MEIS3: variants seen among roughly 807,000 people sequenced by gnomAD.
MEIS3 encodes the protein homeobox protein Meis3.
MEIS3 carries 38 observed loss-of-function variants against 51.4 expected under a neutral mutation model. That is an observed-to-expected ratio of 0.74 (90% confidence interval 0.57 to 0.97). The LOEUF is 0.97. Ranked by LOEUF, MEIS3 falls within the 50% of genes least tolerant of loss-of-function variation. The pLI is 0.00. For missense variants in MEIS3, 456 were observed against 502.6 expected (o/e 0.91, Z 0.89); for synonymous variants, 198 against 201.8 (o/e 0.98, Z 0.16).
intron 2 of MEIS3, 105 bp downstream of exon 2, chr19:47,417,073 G>C (rs967220318): frequency 5.9e-6 from 9 of 1,533,754 alleles, no homozygotes; most frequent in Non-Finnish European, 7.9e-6. Flanking sequence ...GAGAGGGAAG[G>C]AGACAGAGAC....
rs537387673 is a variant in MEIS3 at position 47,409,961 on chromosome 19, G to T, written c.598-414C>A. On this transcript the variant is annotated intron_variant, in intron 6 of 12. Coordinates refer to ENST00000558555, the MANE Select transcript of MEIS3 (RefSeq NM_001301059.2). ...GTCCCTGCCTCCTTCCTAGCTGTGTGATCTTGGGCAGGTCACTTCCCCACT... is the reference window on the plus strand; with the variant it reads ...GTCCCTGCCTCCTTCCTAGCTGTGTTATCTTGGGCAGGTCACTTCCCCACT... 1.3e-4 allele frequency among the ~76,000 whole-genome samples: 20 copies of T among 152,056 alleles called. No homozygotes were observed. In the South Asian group the frequency reaches 3.9e-3, roughly 30 times the overall value.
chr19:47,413,801 G>A (rs1971255993), intron 6 of MEIS3, among the ~76,000 whole-genome samples: 1 of 150,530 alleles, frequency 6.6e-6, no homozygotes. Flanking sequence ...GATCCTGGCT[G>A]ACTGCAAGCT....
upstream of MEIS3, among the ~76,000 whole-genome samples, chr19:47,421,979 C>G (rs1160320525): frequency 2.0e-5 from 3 of 151,886 alleles, no homozygotes; most frequent in Non-Finnish European, 4.4e-5. Flanking sequence ...TTCATAAATA[C>G]ATCGCCCCCT....
chr19:47,414,999 G>C (rs1446510938), intron 5 of MEIS3, 52 bp downstream of exon 5: 2 of 1,405,834 alleles, frequency 1.4e-6, no homozygotes, highest in African/African-American at 1.4e-5. Context: ...GCGACGAGAG[G>C]GGGTGGGATG....
At chr19:47,408,145 T>A (rs547389772) in intron 8 of MEIS3, among the ~76,000 whole-genome samples, 105 of 151,998 alleles carry the variant, frequency 6.9e-4, no homozygotes, top group Non-Finnish European at 1.4e-3. Flanking sequence ...CTCTTTTTTT[T>A]AAACAGGGTC....
At chr19:47,407,493 G>T (rs777163686) in intron 8 of MEIS3, 65 bp from the exon 9 acceptor site, 1 of 1,611,924 alleles carries the variant, frequency 6.2e-7, no homozygotes, top group South Asian at 1.1e-5. Flanking sequence ...CCAAGGTCTG[G>T]CCCACCGGGG....
chr19:47,410,487 C>A (rs939694532), intron 6 of MEIS3, among the ~76,000 whole-genome samples: 1 of 150,316 alleles, frequency 6.7e-6, no homozygotes, highest in African/African-American at 2.5e-5. Context: ...AAAAGAAGGG[C>A]CGGGCGCGAT....
chr19:47,418,653 G>C (rs1295105763), intron 1 of MEIS3: 2 of 160,154 alleles, frequency 1.2e-5, no homozygotes, highest in East Asian at 3.4e-4. Flanking sequence ...GGTGAGGTGC[G>C]GGCGGCTGAG....
chr19:47,417,923 C>CCA (rs797021228), intron 1 of MEIS3: 18 of 553,322 alleles, frequency 3.3e-5, no homozygotes, highest in African/African-American at 2.9e-4. Context: ...ATCCCCCCCC[C>CCA]CACACACACA....
intron 9 of MEIS3, 102 bp from the exon 10 acceptor site, chr19:47,407,239 A>AGCGGGGCGAGCAGGGGCAGTGGCTCT: frequency 3.4e-6 from 5 of 1,485,158 alleles, no homozygotes; most frequent in Non-Finnish European, 4.5e-6. Context: ...GGGGAGGCAG[A>AGCGGGGCGAGCAGGGGCAGTGGCTCT]GCGGGGCGAG....
intron 6 of MEIS3, among the ~76,000 whole-genome samples, chr19:47,409,926 T>A (rs1207307154): frequency 6.6e-6 from 1 of 151,826 alleles, no homozygotes; most frequent in African/African-American, 2.4e-5. Context: ...GACTCCTGGA[T>A]GGGAAGCCAG....
Position 47,409,720 on chromosome 19 carries a change from G to A in MEIS3, c.598-173C>T, listed in dbSNP as rs563278213. Among the ~76,000 whole-genome samples the A allele has an allele frequency of 1.5e-4, 23 of 152,106 alleles. No homozygotes were observed. In the South Asian group the frequency reaches 4.2e-3, roughly 27 times the overall value. On this transcript the variant is annotated intron_variant, in intron 6 of 12. Coordinates refer to ENST00000558555, the MANE Select transcript of MEIS3 (RefSeq NM_001301059.2). ...CTACTAAAAATACAAAAAATTAGCC[G>A]GGTGTGGTGGCATGCACCTGTAGTC...
At chr19:47,421,370 T>C (rs1404385768), upstream of MEIS3, among the ~76,000 whole-genome samples, 1 of 152,092 alleles carries the variant, frequency 6.6e-6, no homozygotes, top group Non-Finnish European at 1.5e-5. Context: ...CACCGACCAC[T>C]GGGGCTATGC....
upstream of MEIS3, among the ~76,000 whole-genome samples, chr19:47,421,530 CT>C (rs1408883563): frequency 6.6e-6 from 1 of 152,140 alleles, no homozygotes; most frequent in Non-Finnish European, 1.5e-5. Context: ...TCGGTTTCCC[CT>C]CTTTATCAAC....
At chr19:47,416,552 G>T in intron 4 of MEIS3, 100 bp downstream of exon 4, 2 of 924,958 alleles carry the variant, frequency 2.2e-6, no homozygotes, top group Admixed American at 5.9e-5. Context: ...CATGGACCAG[G>T]TGGCCTTCTC....
upstream of MEIS3, among the ~76,000 whole-genome samples, chr19:47,420,940 A>ACT (rs71180840): frequency 4.8e-3 from 437 of 90,980 alleles, no homozygotes; most frequent in African/African-American, 0.014. Context: ...ACACACACAC[A>ACT]CTCTCTCTCT....
At chr19:47,413,655 C>T (rs1192938312) in intron 6 of MEIS3, among the ~76,000 whole-genome samples, 1 of 151,884 alleles carries the variant, frequency 6.6e-6, no homozygotes, top group African/African-American at 2.4e-5. Context: ...GTCTGGTGTC[C>T]TAAGTGGATA....
intron 8 of MEIS3, among the ~76,000 whole-genome samples, chr19:47,408,313 G>A (rs1970950771): frequency 6.6e-6 from 1 of 151,804 alleles, no homozygotes; most frequent in African/African-American, 2.4e-5. Context: ...TTAGAGATGG[G>A]GTCTTGCTAT....
chr19:47,404,684 TCTGGGTCAGATGCCC>T (rs1308639470), intron 12 of MEIS3, among the ~76,000 whole-genome samples: 1 of 152,046 alleles, frequency 6.6e-6, no homozygotes, highest in African/African-American at 2.4e-5. Flanking sequence ...AATCCTCTAG[TCTGGGTCAGATGCCC>T]CCTCCTCCAG....
Sources: allele counts gnomAD v4.1 joint callset (sites outside exome capture counted in the v4.1 genomes callset), GRCh38; gene constraint gnomAD v4.1.1; transcripts MANE v1.5; gene names NCBI Gene and HGNC (gene_info 2026-07-23, HGNC 2026-07-21).